The following NKAIN2 variants were observed in gnomAD, a reference collection of about 807,000 sequenced individuals.
NKAIN2 encodes sodium/potassium-transporting ATPase subunit beta-1-interacting protein 2.
A neutral mutation model predicts 32.6 loss-of-function variants in NKAIN2; 14 were observed. The observed-to-expected ratio is 0.43, with a 90% CI of 0.28 to 0.67. NKAIN2 has a LOEUF of 0.67. Among genes scored for constraint, NKAIN2 ranks in the 30% least tolerant of loss-of-function variants. The probability of loss-of-function intolerance (pLI) is 0.17; values close to 1 mark genes in which losing one functional copy is unlikely to be tolerated. For synonymous variants in NKAIN2, 80 were observed against 87.2 expected, an observed-to-expected ratio of 0.92 and a Z score of 0.46; for missense variants, 198 against 258.3, an observed-to-expected ratio of 0.77 and a Z score of 1.60.
chr6:124,489,785 G>T (rs147170690), intron 3 of NKAIN2, among the ~76,000 whole-genome samples: 1 of 151,722 alleles, frequency 6.6e-6, no homozygotes, highest in Non-Finnish European at 1.5e-5. Context: ...CTGGATGCTG[G>T]TGTCACCAAA....
chr6:124,325,830 AT>A (rs1797387998), intron 2 of NKAIN2, among the ~76,000 whole-genome samples: 1 of 152,154 alleles, frequency 6.6e-6, no homozygotes, highest in Non-Finnish European at 1.5e-5. Context: ...CACCCTTAAA[AT>A]TTATGCATTT....
intron 1 of NKAIN2, among the ~76,000 whole-genome samples, chr6:124,108,536 T>C (rs935642436): frequency 6.6e-6 from 1 of 152,056 alleles, no homozygotes; most frequent in Non-Finnish European, 1.5e-5. Context: ...AGAAGCTTCT[T>C]AGTTTGATAT....
chr6:124,558,389 C>A (rs1010591701), intron 3 of NKAIN2, among the ~76,000 whole-genome samples: 5 of 151,618 alleles, frequency 3.3e-5, no homozygotes, highest in Non-Finnish European at 7.4e-5. Flanking sequence ...GTCTCACCCC[C>A]GGACTCTTCT....
intron 1 of NKAIN2, among the ~76,000 whole-genome samples, chr6:123,962,298 T>G (rs989128673): frequency 6.6e-6 from 1 of 152,174 alleles, no homozygotes; most frequent in Non-Finnish European, 1.5e-5. Context: ...ATCAGCAATC[T>G]AGAATCAGTG....
chr6:123,863,066 A>C (rs759896258), intron 1 of NKAIN2, among the ~76,000 whole-genome samples: 1 of 152,232 alleles, frequency 6.6e-6, no homozygotes, highest in South Asian at 2.1e-4. Context: ...CAATATTCAG[A>C]GCATAAGCTT....
intron 1 of NKAIN2, among the ~76,000 whole-genome samples, chr6:124,226,777 T>C (rs1792134466): frequency 6.6e-6 from 1 of 152,090 alleles, no homozygotes; most frequent in Non-Finnish European, 1.5e-5. Flanking sequence ...ATAAGAATTG[T>C]TTTCAGTAAC....
chr6:124,187,730 T>G (rs189882056), intron 1 of NKAIN2, among the ~76,000 whole-genome samples: 104 of 152,282 alleles, frequency 6.8e-4, no homozygotes, highest in African/African-American at 2.4e-3. Flanking sequence ...GGAAGTCACT[T>G]ATGTCCACGC....
intron 3 of NKAIN2, among the ~76,000 whole-genome samples, chr6:124,652,438 A>C (rs1784399500): frequency 1.3e-5 from 2 of 152,262 alleles, no homozygotes; most frequent in South Asian, 4.1e-4. Flanking sequence ...CATTCATTTC[A>C]AAACTGTTTC....
At chr6:124,614,618 C>T (rs12174226) in intron 3 of NKAIN2, among the ~76,000 whole-genome samples, 27,997 of 151,954 alleles carry the variant, frequency 0.18, 2,717 homozygotes, top group Middle Eastern at 0.25. Context: ...AGCTCTTCCC[C>T]AAGGCTGGAT....
intron 1 of NKAIN2, among the ~76,000 whole-genome samples, chr6:124,267,233 G>C (rs912834973): frequency 2.0e-5 from 3 of 152,116 alleles, no homozygotes; most frequent in African/African-American, 7.2e-5. Context: ...TCTATGACAA[G>C]AAAATTGCTT....
At chr6:124,098,842 C>T (rs1190961949) in intron 1 of NKAIN2, among the ~76,000 whole-genome samples, 6 of 151,856 alleles carry the variant, frequency 4.0e-5, no homozygotes, top group Admixed American at 3.9e-4. Flanking sequence ...TGCACTCCAG[C>T]CTGGGCAACA....
chr6:124,122,141 G>A (rs1019496234), intron 1 of NKAIN2, among the ~76,000 whole-genome samples: 3 of 151,998 alleles, frequency 2.0e-5, no homozygotes, highest in African/African-American at 7.2e-5. Context: ...CTTGGAAAAT[G>A]TTGGTACAAA....
chr6:124,326,841 A>C, intron 2 of NKAIN2, among the ~76,000 whole-genome samples: 1 of 152,198 alleles, frequency 6.6e-6, no homozygotes. Context: ...AGGAGGGCAT[A>C]GGTAACCATA....
intron 1 of NKAIN2, among the ~76,000 whole-genome samples, chr6:124,132,520 T>C (rs182482005): frequency 6.6e-6 from 1 of 152,294 alleles, no homozygotes; most frequent in Non-Finnish European, 1.5e-5. Flanking sequence ...TTACAGCAAC[T>C]CATGACAGAA....
chr6:124,426,036 T>C (rs937798181), intron 3 of NKAIN2, among the ~76,000 whole-genome samples: 2 of 152,216 alleles, frequency 1.3e-5, no homozygotes, highest in Non-Finnish European at 2.9e-5. Context: ...CTAGACTCTT[T>C]GTAGTAATAA....
At chr6:124,761,091 G>GT (rs1648086392) in intron 4 of NKAIN2, among the ~76,000 whole-genome samples, 7 of 152,166 alleles carry the variant, frequency 4.6e-5, no homozygotes, top group Admixed American at 4.6e-4. Flanking sequence ...CAATGTAAGA[G>GT]TTTATTGCCA....
In NKAIN2 at chr6:123,906,956, A is replaced by G. The variant is rs1454804888; in HGVS notation, c.54+102702A>G. ...TAACAAATTTTCAAATGACTCAAAG[A>G]CAAGTACTTTTTTAAGCTAAAGTTG... On this transcript the variant is annotated intron_variant, in intron 1 of 6. Coordinates refer to ENST00000368417, the MANE Select transcript of NKAIN2 (RefSeq NM_001040214.3). Among the ~76,000 whole-genome samples the G allele has an allele frequency of 3.9e-5, 6 of 152,352 alleles. No individual in the cohort carries two copies. In the East Asian group the frequency reaches 7.7e-4, roughly 20 times the overall value.
chr6:123,980,390 G>A (rs985951104), intron 1 of NKAIN2, among the ~76,000 whole-genome samples: 15 of 152,252 alleles, frequency 9.9e-5, no homozygotes, highest in African/African-American at 3.6e-4. Context: ...TTCTGAAGTG[G>A]CTTGACTCAG....
intron 1 of NKAIN2, among the ~76,000 whole-genome samples, chr6:123,861,928 A>G (rs1489738079): frequency 1.3e-5 from 2 of 152,194 alleles, no homozygotes; most frequent in Admixed American, 6.5e-5. Context: ...AATAAGGTTA[A>G]TAGATTAAAC....
Sources: allele counts gnomAD v4.1 joint callset (sites outside exome capture counted in the v4.1 genomes callset), GRCh38; gene constraint gnomAD v4.1.1; transcripts MANE v1.5; gene names NCBI Gene and HGNC (gene_info 2026-07-23, HGNC 2026-07-21).